CFAP161: variants seen among roughly 807,000 people sequenced by gnomAD.
CFAP161 encodes cilia- and flagella-associated protein 161.
In CFAP161, 25 loss-of-function variants were observed where a neutral mutation model predicts 29.0. The observed-to-expected ratio is 0.86, with a 90% CI of 0.63 to 1.20. The LOEUF (loss-of-function observed/expected upper bound fraction) is 1.20, where lower values mean the gene tolerates loss of function less well. Among genes scored for constraint, CFAP161 ranks in the 50% most tolerant of loss-of-function variants. The pLI, the probability that CFAP161 is intolerant of heterozygous loss-of-function variation, is 0.00. For synonymous variants in CFAP161, 116 were observed against 137.4 expected (o/e 0.84, Z 1.09); for missense variants, 367 against 371.9 (o/e 0.99, Z 0.11).
intron 1 of CFAP161, among the ~76,000 whole-genome samples, chr15:81,102,095 A>C (rs1894310572): frequency 6.6e-6 from 1 of 152,194 alleles, no homozygotes; most frequent in Non-Finnish European, 1.5e-5. Flanking sequence ...GAGTGGCTCT[A>C]TCATGTGGCA....
At chr15:81,112,036 C>T (rs978023161) in intron 1 of CFAP161, among the ~76,000 whole-genome samples, 6 of 152,164 alleles carry the variant, frequency 3.9e-5, no homozygotes, top group African/African-American at 1.4e-4. Context: ...GACCATAGAA[C>T]CCTTTCCCCT....
chr15:81,145,297 T>G (rs1423334753), intron 5 of CFAP161, among the ~76,000 whole-genome samples: 3 of 152,226 alleles, frequency 2.0e-5, no homozygotes, highest in Non-Finnish European at 4.4e-5. Context: ...TTAGATGTCC[T>G]TTGCTAAGCT....
chr15:81,131,783 G>T (rs1894714428), upstream of CFAP161, among the ~76,000 whole-genome samples: 1 of 151,950 alleles, frequency 6.6e-6, no homozygotes, highest in African/African-American at 2.4e-5. Flanking sequence ...AAACAATAAG[G>T]CCTGAAAATT....
Position 81,143,778 on chromosome 15 carries a change from T to C in CFAP161, c.594T>C (p.Pro198=). Residue 198 remains proline (P), a synonymous_variant, in exon 5 of 7, where the codon CCT becomes CCC. Coordinates refer to ENST00000286732, the MANE Select transcript of CFAP161 (RefSeq NM_173528.4). The part of the protein sequence containing the change: ...SHVNCWQAAF[P]DPQLRLEYEG... The stretch of plus-strand genomic sequence containing the variant: ...TGAACTGCTGGCAGGCTGCCTTCCC[T>C]GACCCCCAGTTACGCCTGGAATATG... 1.2e-6 allele frequency: 2 copies of C among 1,614,184 alleles called. No homozygotes were observed. Among genetic ancestry groups the C allele is most frequent in the Non-Finnish European group, 1.7e-6 (2 of 1,180,008 alleles).
At chr15:81,114,105 C>A (rs1375390687) in intron 1 of CFAP161, among the ~76,000 whole-genome samples, 2 of 152,124 alleles carry the variant, frequency 1.3e-5, no homozygotes, top group African/African-American at 2.4e-5. Flanking sequence ...AAACAATGAG[C>A]CCTGGGCATG....
chr15:81,148,292 AGTT>A, intron 6 of CFAP161, 43 bp from the exon 7 acceptor site: 3 of 1,520,556 alleles, frequency 2.0e-6, no homozygotes, highest in African/African-American at 1.4e-5. Flanking sequence ...GCTTATTGAG[AGTT>A]GTTATTCAAT....
At chr15:81,135,860 G>T (rs1447936889) in intron 2 of CFAP161, among the ~76,000 whole-genome samples, 1 of 152,200 alleles carries the variant, frequency 6.6e-6, no homozygotes, top group East Asian at 1.9e-4. Flanking sequence ...GTGGAAGTCA[G>T]TGTGGCAATT....
intron 5 of CFAP161, 134 bp downstream of exon 5, chr15:81,143,954 T>C: frequency 1.0e-6 from 1 of 995,432 alleles, no homozygotes; most frequent in East Asian, 2.7e-5. Context: ...TTTTTTCCAT[T>C]TATAACACAC....
intron 1 of CFAP161, among the ~76,000 whole-genome samples, 167 bp downstream of exon 1, chr15:81,134,565 C>T (rs1244648460): frequency 6.6e-6 from 1 of 152,162 alleles, no homozygotes; most frequent in Non-Finnish European, 1.5e-5. Context: ...TCTCACCTGC[C>T]GAACTGCAAA....
chr15:81,135,373 T>C lies in CFAP161; in HGVS notation c.159+14T>C. ...CTCTTGAGACCGGTAACTTTTTTTTTTTTTATTACACTTTAAGTTTTAGGG... is the reference window on the plus strand; with the variant it reads ...CTCTTGAGACCGGTAACTTTTTTTTCTTTTATTACACTTTAAGTTTTAGGG... On this transcript the variant is annotated intron_variant, in intron 2 of 6. Transcript: ENST00000286732. 1 of 1,555,304 alleles carries C rather than the reference T, an allele frequency of 6.4e-7. No individual in the cohort carries two copies. Among genetic ancestry groups the C allele is most frequent in the Non-Finnish European group, 8.7e-7 (1 of 1,151,446 alleles).
intron 4 of CFAP161, among the ~76,000 whole-genome samples, chr15:81,140,026 A>G (rs2141881696): frequency 6.6e-6 from 1 of 151,880 alleles, no homozygotes; most frequent in South Asian, 2.1e-4. Context: ...TCTTTCCCTT[A>G]TCTCTTCCTT....
intron 5 of CFAP161, among the ~76,000 whole-genome samples, chr15:81,147,246 C>T (rs1372586514): frequency 6.6e-6 from 1 of 151,888 alleles, no homozygotes; most frequent in East Asian, 1.9e-4. Context: ...TTTTATTTAC[C>T]CTCCTTTTTT....
At chr15:81,130,758 A>T (rs951058165), upstream of CFAP161, among the ~76,000 whole-genome samples, 2 of 152,180 alleles carry the variant, frequency 1.3e-5, no homozygotes, top group African/African-American at 2.4e-5. Context: ...TCACTTGAAC[A>T]CTTGAACACT....
At chr15:81,114,318 C>T (rs1894471174) in intron 1 of CFAP161, among the ~76,000 whole-genome samples, 1 of 152,164 alleles carries the variant, frequency 6.6e-6, no homozygotes. Context: ...AAAAAATGTA[C>T]ATATCTTAAT....
At chr15:81,099,552 T>G (rs1259784328) in intron 1 of CFAP161, 1 of 152,202 alleles carries the variant, frequency 6.6e-6, no homozygotes, top group African/African-American at 2.4e-5. Context: ...CAAAGGGGAA[T>G]TTTGGTCCTT....
At chr15:81,132,945 A>G (rs371221465), upstream of CFAP161, among the ~76,000 whole-genome samples, 58 of 151,952 alleles carry the variant, frequency 3.8e-4, 1 homozygote, top group Admixed American at 3.1e-3. Context: ...GCTTTGTCCT[A>G]TGTGTCCTTC....
At chr15:81,143,303 C>A (rs1442967851) in intron 4 of CFAP161, among the ~76,000 whole-genome samples, 1 of 152,074 alleles carries the variant, frequency 6.6e-6, no homozygotes, top group African/African-American at 2.4e-5. Context: ...AGAATGAGAC[C>A]CTGTCTCAAA....
At chr15:81,111,332 C>T (rs1187158162) in intron 1 of CFAP161, among the ~76,000 whole-genome samples, 1 of 152,200 alleles carries the variant, frequency 6.6e-6, no homozygotes, top group African/African-American at 2.4e-5. Flanking sequence ...AGGATTTGCC[C>T]ATTGCAGTGT....
chr15:81,127,854 A>G (rs1894660250), intron 2 of CFAP161: 1 of 152,236 alleles, frequency 6.6e-6, no homozygotes, highest in Non-Finnish European at 1.5e-5. Flanking sequence ...AAGAAAAGAT[A>G]CTTATCTGGG....
Sources: gnomAD v4.1 joint callset for allele counts (sites outside exome capture counted in the v4.1 genomes callset) on GRCh38, gnomAD v4.1.1 for gene constraint, MANE v1.5 for transcripts, NCBI Gene and HGNC (gene_info 2026-07-23, HGNC 2026-07-21) for gene names.